Variants in PRELID2 observed in about 807,000 individuals in gnomAD.
The protein encoded by PRELID2 is PRELI domain containing 2.
PRELID2 carries 25 observed loss-of-function variants against 28.4 expected under a neutral mutation model. That is an observed-to-expected ratio of 0.88 (90% confidence interval 0.64 to 1.23). The LOEUF (loss-of-function observed/expected upper bound fraction) is 1.23, where lower values mean the gene tolerates loss of function less well. PRELID2 is among the 50% of genes most tolerant of loss of function. The probability of loss-of-function intolerance (pLI) is 0.00; values close to 1 mark genes in which losing one functional copy is unlikely to be tolerated. For synonymous variants in PRELID2, 76 were observed against 71.6 expected, an observed-to-expected ratio of 1.06 and a Z score of -0.31; for missense variants, 201 against 214.4, an observed-to-expected ratio of 0.94 and a Z score of 0.39.
chr5:145,378,901 T>C, the PRELID2 span, among the ~76,000 whole-genome samples: 136 of 152,336 alleles, frequency 8.9e-4, 2 homozygotes, highest in African/African-American at 3.1e-3. Flanking sequence ...GCTGATTCTT[T>C]TTCATCTTTG....
intron 1 of PRELID2, among the ~76,000 whole-genome samples, chr5:145,482,517 G>A (rs1011698275): frequency 2.0e-5 from 3 of 151,964 alleles, no homozygotes; most frequent in Non-Finnish European, 4.4e-5. Context: ...TAACAATCCA[G>A]CTTTTTCCAC....
chr5:145,705,939 T>TACACACACACACACAC (rs61283424), intron 1 of PRELID2, among the ~76,000 whole-genome samples: 55 of 145,602 alleles, frequency 3.8e-4, no homozygotes, highest in African/African-American at 1.3e-3. Flanking sequence ...CATGTGCGCC[T>TACACACACACACACAC]ACACACACAC....
At chr5:145,501,735 C>T (rs922535148) in intron 1 of PRELID2, among the ~76,000 whole-genome samples, 5 of 152,092 alleles carry the variant, frequency 3.3e-5, no homozygotes, top group African/African-American at 1.2e-4. Context: ...AGCATGAAAA[C>T]AGACTAATAC....
intron 2 of PRELID2, 75 bp from the exon 3 acceptor site, chr5:145,820,093 G>C: frequency 2.3e-6 from 2 of 882,620 alleles, no homozygotes; most frequent in Non-Finnish European, 3.6e-6. Flanking sequence ...AAATCTTGCG[G>C]GGGTGGGGTT....
the PRELID2 span, among the ~76,000 whole-genome samples, chr5:145,277,952 T>C: frequency 1.4e-4 from 21 of 152,286 alleles, no homozygotes; most frequent in African/African-American, 4.8e-4. Flanking sequence ...CATATAAATT[T>C]CCATCTGAGT....
At chr5:145,238,163 A>G in the PRELID2 span, among the ~76,000 whole-genome samples, 7 of 152,140 alleles carry the variant, frequency 4.6e-5, no homozygotes, top group Non-Finnish European at 1.5e-5. Context: ...GAAAAGGGCC[A>G]CATTACAGAA....
intron 5 of PRELID2, among the ~76,000 whole-genome samples, chr5:145,781,669 T>C (rs1394892499): frequency 6.8e-6 from 1 of 147,050 alleles, no homozygotes; most frequent in African/African-American, 2.5e-5. Context: ...ACACTATATA[T>C]ATACACTTAT....
chr5:145,653,500 T>A (rs561025263), intron 1 of PRELID2, among the ~76,000 whole-genome samples: 20 of 152,328 alleles, frequency 1.3e-4, no homozygotes, highest in African/African-American at 4.8e-4. Context: ...TAGTTGGAAG[T>A]AAAGCACTCC....
At chr5:145,448,210 C>G in the PRELID2 span, among the ~76,000 whole-genome samples, 1 of 151,726 alleles carries the variant, frequency 6.6e-6, no homozygotes, top group African/African-American at 2.4e-5. Context: ...ATTTGCATTT[C>G]TCTGATGGCC....
intron 1 of PRELID2, among the ~76,000 whole-genome samples, chr5:145,660,156 G>A (rs1047209705): frequency 8.5e-5 from 13 of 152,174 alleles, no homozygotes; most frequent in Admixed American, 7.9e-4. Context: ...CATAGTGAAG[G>A]ATGAGCAAGG....
At chr5:145,770,533 C>T (rs1361141088) in intron 5 of PRELID2, among the ~76,000 whole-genome samples, 2 of 152,072 alleles carry the variant, frequency 1.3e-5, no homozygotes, top group African/African-American at 4.8e-5. Flanking sequence ...GTAAAACAGC[C>T]TCAGGCAGGT....
the PRELID2 span, among the ~76,000 whole-genome samples, chr5:145,234,690 C>T: frequency 2.0e-5 from 3 of 152,146 alleles, no homozygotes; most frequent in African/African-American, 7.2e-5. Context: ...TCCATGAATA[C>T]TTACTGAAGA....
At chr5:145,638,198 T>G (rs780206095) in intron 1 of PRELID2, among the ~76,000 whole-genome samples, 1 of 152,182 alleles carries the variant, frequency 6.6e-6, no homozygotes, top group Non-Finnish European at 1.5e-5. Flanking sequence ...ACCAGTACTA[T>G]TAATACAACC....
chr5:145,649,946 G>A (rs185721267), intron 1 of PRELID2, among the ~76,000 whole-genome samples: 177 of 152,064 alleles, frequency 1.2e-3, no homozygotes, highest in Non-Finnish European at 1.9e-3. Context: ...AATCTTCTAC[G>A]GAGGAAATAT....
the PRELID2 span, among the ~76,000 whole-genome samples, chr5:145,383,896 ATG>A: frequency 6.6e-6 from 1 of 151,882 alleles, no homozygotes; most frequent in East Asian, 1.9e-4. Context: ...GTATATATAT[ATG>A]TGTGTGTGTA....
At chr5:145,617,127 C>T (rs563664714) in intron 1 of PRELID2, among the ~76,000 whole-genome samples, 252 of 152,226 alleles carry the variant, frequency 1.7e-3, no homozygotes, top group African/African-American at 5.5e-3. Context: ...TTGCTGTTAT[C>T]CTGTTCTTTT....
chr5:145,280,651 T>C, the PRELID2 span, among the ~76,000 whole-genome samples: 1 of 151,710 alleles, frequency 6.6e-6, no homozygotes, highest in Non-Finnish European at 1.5e-5. Context: ...TAAAGTATAA[T>C]AATAATAAAA....
chr5:145,253,750 T>C, the PRELID2 span, among the ~76,000 whole-genome samples: 1 of 151,910 alleles, frequency 6.6e-6, no homozygotes, highest in Non-Finnish European at 1.5e-5. Context: ...TTGAACGCAG[T>C]TATTCCTCCA....
chr5:145,394,879 G>A, the PRELID2 span, among the ~76,000 whole-genome samples: 7 of 152,188 alleles, frequency 4.6e-5, no homozygotes, highest in African/African-American at 1.2e-4. Context: ...GATTTACAAC[G>A]TCCTCAAATA....
Sources: gnomAD v4.1 joint callset for allele counts (sites outside exome capture counted in the v4.1 genomes callset) on GRCh38, gnomAD v4.1.1 for gene constraint, MANE v1.5 for transcripts, NCBI Gene and HGNC (gene_info 2026-07-23, HGNC 2026-07-21) for gene names.